Variants in GAS7 observed in about 807,000 individuals in gnomAD.
GAS7 encodes the protein growth arrest specific 7.
GAS7 carries 28 observed loss-of-function variants against 71.1 expected under a neutral mutation model. That is an observed-to-expected ratio of 0.39 (90% CI 0.29 to 0.54). The LOEUF (loss-of-function observed/expected upper bound fraction) is 0.54. Among genes scored for constraint, GAS7 ranks in the 20% least tolerant of loss-of-function variants. GAS7 has a pLI of 0.62. For missense variants in GAS7, 436 were observed against 627.8 expected (o/e 0.69, Z 3.27); for synonymous variants, 258 against 245.8 (o/e 1.05, Z -0.46).
At chr17:9,979,905 AGTG>A (rs2070350026) in intron 3 of GAS7, among the ~76,000 whole-genome samples, 3 of 151,096 alleles carry the variant, frequency 2.0e-5, no homozygotes, top group Non-Finnish European at 2.9e-5. Flanking sequence ...AAGAGAAGCC[AGTG>A]GGCTCAGAAC....
chr17:10,118,691 G>C (rs1051425506), intron 1 of GAS7, among the ~76,000 whole-genome samples: 1 of 120,188 alleles, frequency 8.3e-6, no homozygotes, highest in Non-Finnish European at 1.7e-5. Context: ...GGGACAGAGT[G>C]AGACTCTGTC....
chr17:10,049,875 G>A (rs924204225), intron 1 of GAS7, among the ~76,000 whole-genome samples: 10 of 151,934 alleles, frequency 6.6e-5, no homozygotes, highest in African/African-American at 2.2e-4. Context: ...CCACCTTGGC[G>A]TCCCAAAGTG....
chr17:9,951,760 CAAAAAAAAAAAAAAAAAAA>C (rs59048492), intron 5 of GAS7, among the ~76,000 whole-genome samples: 1 of 69,012 alleles, frequency 1.4e-5, no homozygotes. Flanking sequence ...AACTCTGTCT[CAAAAAAAAAAAAAAAAAAA>C]AAAAAAACAA....
intron 1 of GAS7, among the ~76,000 whole-genome samples, chr17:10,114,260 C>T (rs2073840069): frequency 6.6e-6 from 1 of 152,104 alleles, no homozygotes; most frequent in Admixed American, 6.6e-5. Flanking sequence ...GGGAAGGAAG[C>T]CAGTGCCTGC....
At chr17:10,038,546 T>C (rs941120553) in intron 1 of GAS7, among the ~76,000 whole-genome samples, 1 of 152,050 alleles carries the variant, frequency 6.6e-6, no homozygotes, top group Non-Finnish European at 1.5e-5. Flanking sequence ...AATAGGTATA[T>C]ACCAAAAAGA....
At chr17:9,917,646 T>TA (rs2067628606) in intron 13 of GAS7, among the ~76,000 whole-genome samples, 1 of 152,248 alleles carries the variant, frequency 6.6e-6, no homozygotes, top group African/African-American at 2.4e-5. Context: ...ACAGGACAAA[T>TA]AAAACTTGAG....
chr17:9,931,258 C>T (rs914376546), intron 9 of GAS7, among the ~76,000 whole-genome samples: 4 of 152,176 alleles, frequency 2.6e-5, no homozygotes, highest in African/African-American at 7.2e-5. Flanking sequence ...TGCTATCTCG[C>T]GTGGTGGTTG....
intron 2 of GAS7, among the ~76,000 whole-genome samples, chr17:10,001,079 T>C (rs1465758578): frequency 6.6e-6 from 1 of 152,160 alleles, no homozygotes; most frequent in Non-Finnish European, 1.5e-5. Flanking sequence ...AGCTTGGCCC[T>C]GGAACAAACC....
Position 10,026,416 on chromosome 17 carries a change from T to C in GAS7, c.184-6519A>G, listed in dbSNP as rs1289725177. ...TCTGGCAGACCCGTTGCTATGGCAA[T>C]GCTTGCTAATGAGCCCAGTGCCGTG... is the stretch of plus-strand genomic sequence containing the variant. On this transcript the variant is annotated intron_variant, in intron 1 of 13. Transcript: ENST00000432992. The surrounding 1 kb of genome is among the most constrained non-coding windows in gnomAD (Gnocchi z 4.5). 5.6e-6 allele frequency: 2 copies of C among 357,524 alleles called. No individual in the cohort carries two copies. Among genetic ancestry groups the C allele is most frequent in the Non-Finnish European group, 7.8e-6 (2 of 255,980 alleles). The allele number at this position is 357,524 out of a possible 1,614,324, so 22.1% of individuals were successfully genotyped here.
chr17:10,028,695 C>A (rs1439885790), intron 1 of GAS7, among the ~76,000 whole-genome samples: 12 of 145,242 alleles, frequency 8.3e-5, no homozygotes, highest in East Asian at 2.0e-4. Flanking sequence ...AAAAAAAAAA[C>A]CAAAATGATA....
At position 9,981,768 on chromosome 17, in the gene GAS7, C is replaced by A. The variant is rs1401089586; in HGVS notation, c.385+36G>T. The A allele has an allele frequency of 3.5e-6, 4 of 1,141,578 alleles. No individual in the cohort carries two copies. The Admixed American group carries it at 5.1e-5, about 14-fold the overall frequency. 70.7% of individuals were successfully genotyped at this position (1,141,578 alleles called of 1,614,324 possible). A position where few individuals can be genotyped will look rare whatever the true frequency, so the allele number is the denominator to read the frequency against. ...TCTCCACTGAATGTGGCATCAGGGC[C>A]CTCCCAGTTGCCCCAAAGCAGACAG... On this transcript the variant is annotated intron_variant, in intron 3 of 13. Coordinates refer to ENST00000432992, the MANE Select transcript of GAS7 (RefSeq NM_201433.2). The surrounding 1 kb of genome is among the most constrained non-coding windows in gnomAD (Gnocchi z 4.4).
intron 1 of GAS7, among the ~76,000 whole-genome samples, chr17:10,110,532 C>T (rs1178023192): frequency 2.6e-5 from 4 of 152,128 alleles, no homozygotes; most frequent in African/African-American, 9.7e-5. Flanking sequence ...ATGGCGCAAT[C>T]TTGGCTCACG....
chr17:10,111,393 C>A (rs1473591131), intron 1 of GAS7, among the ~76,000 whole-genome samples: 1 of 151,946 alleles, frequency 6.6e-6, no homozygotes, highest in Non-Finnish European at 1.5e-5. Flanking sequence ...AATAGCCAGG[C>A]GTGGTGTCGT....
At chr17:9,927,030 C>T in intron 9 of GAS7, 2 of 405,140 alleles carry the variant, frequency 4.9e-6, no homozygotes, top group Non-Finnish European at 4.4e-6. Flanking sequence ...TTCTGATTTC[C>T]CCATCTGTTA....
At chr17:9,961,887 G>A (rs1042015025) in intron 4 of GAS7, among the ~76,000 whole-genome samples, 1 of 152,178 alleles carries the variant, frequency 6.6e-6, no homozygotes, top group African/African-American at 2.4e-5. Context: ...TTTGAGACCT[G>A]AGACAATATT....
In GAS7 at chr17:10,087,245, C is replaced by A. The variant is rs139225113; in HGVS notation, c.184-67348G>T. Among the ~76,000 whole-genome samples the A allele has an allele frequency of 3.9e-5, 6 of 152,364 alleles. No individual in the cohort carries two copies. In the East Asian group the frequency reaches 1.2e-3, roughly 29 times the overall value. On this transcript the variant is annotated intron_variant, in intron 1 of 13. Transcript: ENST00000432992. ...GAGCACATGGGTTCAGCTACCCCCA[C>A]TTCTGCTAAGCAGGTAGCCCTCCCC...
intron 7 of GAS7, among the ~76,000 whole-genome samples, chr17:9,942,366 A>G (rs1159210724): frequency 6.8e-6 from 1 of 147,728 alleles, no homozygotes; most frequent in Non-Finnish European, 1.5e-5. Flanking sequence ...ATAGGTGGGT[A>G]TGTGCAGCTG....
chr17:10,090,310 G>A (rs1352636839), intron 1 of GAS7, among the ~76,000 whole-genome samples: 2 of 152,282 alleles, frequency 1.3e-5, no homozygotes, highest in Non-Finnish European at 2.9e-5. Flanking sequence ...TAAAAACTAA[G>A]GCTTTTCAGT....
At chr17:10,131,664 T>C (rs975864690) in intron 1 of GAS7, among the ~76,000 whole-genome samples, 4 of 152,220 alleles carry the variant, frequency 2.6e-5, no homozygotes, top group Non-Finnish European at 4.4e-5. Context: ...TGTATTCCTG[T>C]ATTCCTGCAT....
Sources: gnomAD v4.1 joint callset for allele counts (sites outside exome capture counted in the v4.1 genomes callset) on GRCh38, gnomAD v4.1.1 for gene constraint, Gnocchi (gnomAD v3.1) non-coding constraint, MANE v1.5 for transcripts, NCBI Gene and HGNC (gene_info 2026-07-23, HGNC 2026-07-21) for gene names.